The following CAMK2B variants were observed in gnomAD, a reference collection of about 807,000 sequenced individuals.
CAMK2B encodes calcium/calmodulin dependent protein kinase II beta.
A neutral mutation model predicts 93.7 loss-of-function variants in CAMK2B; 27 were observed. That is an observed-to-expected ratio of 0.29 (90% CI 0.21 to 0.40). The LOEUF (loss-of-function observed/expected upper bound fraction) is 0.40. Among genes scored for constraint, CAMK2B ranks in the 10% least tolerant of loss-of-function variants. The pLI is 1.00. For missense variants in CAMK2B, 568 were observed against 895.8 expected (o/e 0.63, Z 4.67); for synonymous variants, 374 against 358.8 (o/e 1.04, Z -0.48).
At chr7:44,309,005 T>G (rs563105319) in intron 1 of CAMK2B, among the ~76,000 whole-genome samples, 263 of 152,120 alleles carry the variant, frequency 1.7e-3, no homozygotes, top group Non-Finnish European at 3.1e-3. Flanking sequence ...GTCAGGGGGG[T>G]TGTGTCCTCA....
intron 2 of CAMK2B, among the ~76,000 whole-genome samples, chr7:44,277,806 C>T (rs1008814737): frequency 1.4e-5 from 2 of 147,870 alleles, no homozygotes; most frequent in Middle Eastern, 3.4e-3. Context: ...CTCCATCCCC[C>T]ACCTCCCTGA....
At chr7:44,275,522 A>C (rs2097026329) in intron 2 of CAMK2B, among the ~76,000 whole-genome samples, 1 of 152,254 alleles carries the variant, frequency 6.6e-6, no homozygotes, top group Non-Finnish European at 1.5e-5. Context: ...CTGGCTGAGC[A>C]TTGCCAGATA....
chr7:44,290,053 A>G (rs911219651), intron 1 of CAMK2B, among the ~76,000 whole-genome samples: 4 of 152,120 alleles, frequency 2.6e-5, no homozygotes, highest in African/African-American at 4.8e-5. Flanking sequence ...ATGCGCACAC[A>G]CACATGTGCA....
At chr7:44,295,390 G>C (rs2129155469) in intron 1 of CAMK2B, among the ~76,000 whole-genome samples, 1 of 152,360 alleles carries the variant, frequency 6.6e-6, no homozygotes, top group Middle Eastern at 3.4e-3. Context: ...AAAATTGGCA[G>C]ATAGAGAGAA....
Position 44,232,862 on chromosome 7 carries a change from G to A in CAMK2B, c.1136C>T (p.Pro379Leu). Residue 379 changes from proline to leucine, a missense_variant, in exon 16 of 24, where the codon CCT becomes CTT. Pro to Leu is a moderately conservative substitution (Grantham distance 98, BLOSUM62 -3). This residue lies in a region of CAMK2B where 308 missense variants were observed against 292.1 expected (regional missense o/e 1.05). Coordinates refer to ENST00000395749, the MANE Select transcript of CAMK2B (RefSeq NM_001220.5). Reference protein sequence around the residue: ...KGTLPPAALEPQTTVIHNPVD... With the variant: ...KGTLPPAALELQTTVIHNPVD... ...TGGGTTATGGATGACGGTGGTTTGA[G>A]GCTCCTACAGAAGAAGGAAGACACA... is the stretch of plus-strand genomic sequence containing the variant. 1 of 1,613,930 alleles carries A rather than the reference G, an allele frequency of 6.2e-7. No homozygotes were observed. Among genetic ancestry groups the A allele is most frequent in the Non-Finnish European group, 8.5e-7 (1 of 1,179,830 alleles).
At chr7:44,234,280 A>C in intron 15 of CAMK2B, 110 bp downstream of exon 15, 2 of 955,292 alleles carry the variant, frequency 2.1e-6, no homozygotes, top group Non-Finnish European at 3.1e-6. Flanking sequence ...GCTGTCAGAC[A>C]GGCCAGGCGG....
intron 5 of CAMK2B, among the ~76,000 whole-genome samples, chr7:44,249,702 C>T (rs941959091): frequency 4.6e-5 from 7 of 152,194 alleles, no homozygotes; most frequent in Admixed American, 2.0e-4. Flanking sequence ...AACAGGGACT[C>T]GGCCTGCACC....
intron 1 of CAMK2B, among the ~76,000 whole-genome samples, chr7:44,302,465 A>T (rs751145160): frequency 9.2e-5 from 14 of 152,226 alleles, no homozygotes; most frequent in Non-Finnish European, 1.8e-4. Context: ...AGAAATATAC[A>T]GACCAAAATC....
At chr7:44,247,096 G>A in intron 6 of CAMK2B, 24 bp downstream of exon 6, 2 of 1,590,414 alleles carry the variant, frequency 1.3e-6, no homozygotes, top group Non-Finnish European at 8.6e-7. Context: ...CAGACACCTG[G>A]CACAGAGTGG....
At position 44,303,960 on chromosome 7, in the gene CAMK2B, A is replaced by C. The variant is rs554820395; in HGVS notation, c.66-19735T>G. On this transcript the variant is annotated intron_variant, in intron 1 of 23. Coordinates refer to ENST00000395749, the MANE Select transcript of CAMK2B (RefSeq NM_001220.5). Reference sequence around the variant, plus strand: ...ATCTGAACAGATACCTCACCGAAGAAGATATATGGATGGAAAATAAGCATA... The same window carrying C: ...ATCTGAACAGATACCTCACCGAAGACGATATATGGATGGAAAATAAGCATA... 3.0e-4 allele frequency among the ~76,000 whole-genome samples: 46 copies of C among 152,350 alleles called. 1 individual carries two copies. Among genetic ancestry groups the C allele is most frequent in the Admixed American group, 7.2e-4 (11 of 15,308 alleles).
At chr7:44,235,474 G>T (rs1220058828) in intron 13 of CAMK2B, among the ~76,000 whole-genome samples, 1 of 152,206 alleles carries the variant, frequency 6.6e-6, no homozygotes, top group Non-Finnish European at 1.5e-5. Context: ...TGGCTGTTAG[G>T]ATTTTAATTA....
rs574606800 is a variant in CAMK2B at position 44,286,186 on chromosome 7, G to A, written c.66-1961C>T. Among the ~76,000 whole-genome samples, 5 of 152,024 alleles carry A rather than the reference G, an allele frequency of 3.3e-5. No individual in the cohort carries two copies. Among genetic ancestry groups the A allele is most frequent in the African/African-American group, 4.8e-5 (2 of 41,468 alleles). On this transcript the variant is annotated intron_variant, in intron 1 of 23. Coordinates refer to ENST00000395749, the MANE Select transcript of CAMK2B (RefSeq NM_001220.5). The surrounding 1 kb of genome is among the most constrained non-coding windows in gnomAD (Gnocchi z 4.0). The stretch of plus-strand genomic sequence containing the variant: ...CGGGGCCACTGTGTGGCTGTTTGCC[G>A]GACTTCTTGCTCAGGAGAGGTAAGA...
At position 44,229,504 on chromosome 7, in the gene CAMK2B, G is replaced by A. The variant is rs901679452; in HGVS notation, c.1226-3C>T. ...CAGGATGTCGGGGACCCTGGGGGCT[G>A]AGGCGGAACAGGTGAGGCAGGCAGG... On this transcript the variant is annotated splice_region_variant and splice_polypyrimidine_tract_variant and intron_variant, in intron 17 of 23. Coordinates refer to ENST00000395749, the MANE Select transcript of CAMK2B (RefSeq NM_001220.5). 7 of 1,409,646 alleles carry A rather than the reference G, an allele frequency of 5.0e-6. No homozygotes were observed. In the African/African-American group the frequency reaches 7.5e-5, roughly 15 times the overall value. The allele number at this position is 1,409,646 out of a possible 1,614,324, so 87.3% of individuals were successfully genotyped here.
chr7:44,219,972 C>T lies in CAMK2B; in HGVS notation c.*2+88G>A, dbSNP rs2128856927. 3 of 1,133,496 alleles carry T rather than the reference C, an allele frequency of 2.6e-6. No homozygotes were observed. The South Asian group carries it at 4.5e-5, about 17-fold the overall frequency. The allele number at this position is 1,133,496 out of a possible 1,614,324, so 70.2% of individuals were successfully genotyped here. A position where few individuals can be genotyped will look rare whatever the true frequency, so the allele number is the denominator to read the frequency against. ...CCCAGGCATGGCTCTGCACAGGCCC[C>T]ACCGCTCCCCATCGCCTCCCCAGGC... On this transcript the variant is annotated intron_variant, in intron 23 of 23. Transcript: ENST00000395749.
At chr7:44,306,740 AGG>A (rs1791646787) in intron 1 of CAMK2B, among the ~76,000 whole-genome samples, 2 of 128,518 alleles carry the variant, frequency 1.6e-5, no homozygotes, top group African/African-American at 5.9e-5. Flanking sequence ...TGTGGGCAGG[AGG>A]AGGAGGGTGT....
At chr7:44,251,330 G>C (rs1358082139) in intron 5 of CAMK2B, among the ~76,000 whole-genome samples, 1 of 152,258 alleles carries the variant, frequency 6.6e-6, no homozygotes, top group East Asian at 1.9e-4. Flanking sequence ...GTTGGGTAGG[G>C]GCCCACGGGT....
chr7:44,228,905 G>T lies in CAMK2B; in HGVS notation c.1359C>A (p.Ile453=), dbSNP rs748605908. The change falls in exon 19 of 24, where the codon ATC becomes ATA. Residue 453 remains isoleucine, a synonymous_variant. Coordinates refer to ENST00000395749, the MANE Select transcript of CAMK2B (RefSeq NM_001220.5). ...LPAPSPRISD[I]LNSVRRGSGT... ...CTGAACCCCTTCTCACAGAGTTCAG[G>T]ATGTCAGAGATCCTGGGGGCTGGGG... 2.5e-6 allele frequency: 4 copies of T among 1,609,114 alleles called. No individual in the cohort carries two copies. The highest frequency in any genetic ancestry group is 3.4e-6 in the Non-Finnish European group (4 of 1,177,602).
At chr7:44,295,276 G>A (rs1171382589) in intron 1 of CAMK2B, among the ~76,000 whole-genome samples, 1 of 152,250 alleles carries the variant, frequency 6.6e-6, no homozygotes, top group African/African-American at 2.4e-5. Flanking sequence ...AAGCTTGGAA[G>A]TCATCACTCC....
intron 6 of CAMK2B, among the ~76,000 whole-genome samples, chr7:44,246,241 G>A (rs2096728323): frequency 6.6e-6 from 1 of 151,846 alleles, no homozygotes; most frequent in East Asian, 1.9e-4. Context: ...TCTTGGTGGG[G>A]GCTCACAGTT....
Sources: gnomAD v4.1 joint callset for allele counts (sites outside exome capture counted in the v4.1 genomes callset) on GRCh38, gnomAD v4.1.1 for gene constraint, gnomAD v4.1.1 regional missense constraint, Gnocchi (gnomAD v3.1) non-coding constraint, MANE v1.5 for transcripts, NCBI Gene and HGNC (gene_info 2026-07-23, HGNC 2026-07-21) for gene names.